The following CACNA1B variants were observed in gnomAD, a reference collection of about 807,000 sequenced individuals.
CACNA1B encodes calcium voltage-gated channel subunit alpha1 B.
CACNA1B carries 70 observed loss-of-function variants against 247.2 expected under a neutral mutation model. The observed-to-expected ratio is 0.28, with a 90% CI of 0.23 to 0.35. The LOEUF (loss-of-function observed/expected upper bound fraction) is 0.35, where lower values mean the gene tolerates loss of function less well. Among genes scored for constraint, CACNA1B ranks in the 10% least tolerant of loss-of-function variants. The pLI is 1.00. For missense variants in CACNA1B, 2,367 were observed against 3,197.4 expected (o/e 0.74, Z 6.26); for synonymous variants, 1,231 against 1,294.4 (o/e 0.95, Z 1.05).
At chr9:137,992,102 G>A (rs1185297438) in intron 15 of CACNA1B, among the ~76,000 whole-genome samples, 1 of 152,170 alleles carries the variant, frequency 6.6e-6, no homozygotes, top group African/African-American at 2.4e-5. Context: ...CAATATTAAT[G>A]TTGAATGTAA....
intron 3 of CACNA1B, among the ~76,000 whole-genome samples, chr9:137,901,229 CTG>C (rs1957236048): frequency 6.6e-6 from 1 of 150,682 alleles, no homozygotes; most frequent in Non-Finnish European, 1.5e-5. Context: ...GTCCCTGTGT[CTG>C]TGTCTGTTCT....
intron 6 of CACNA1B, among the ~76,000 whole-genome samples, chr9:137,937,862 G>A (rs189835595): frequency 9.8e-5 from 14 of 143,524 alleles, no homozygotes; most frequent in Admixed American, 2.2e-4. Flanking sequence ...TAAGAGAATC[G>A]CTTGAATTTG....
At chr9:138,037,774 G>T (rs942398585) in intron 20 of CACNA1B, among the ~76,000 whole-genome samples, 1 of 152,166 alleles carries the variant, frequency 6.6e-6, no homozygotes, top group African/African-American at 2.4e-5. Flanking sequence ...TGTCATGTCT[G>T]ATGTCTCTTT....
At chr9:137,997,518 G>A (rs1958514382) in intron 15 of CACNA1B, among the ~76,000 whole-genome samples, 1 of 152,170 alleles carries the variant, frequency 6.6e-6, no homozygotes, top group African/African-American at 2.4e-5. Flanking sequence ...GACAAATGAT[G>A]TAGTATGAAA....
chr9:137,960,716 A>G (rs927010965), intron 10 of CACNA1B, among the ~76,000 whole-genome samples: 1 of 151,926 alleles, frequency 6.6e-6, no homozygotes, highest in Non-Finnish European at 1.5e-5. Flanking sequence ...GGTCGAGGAA[A>G]CCTGAGAGTC....
rs968467900 is a variant in CACNA1B, at chr9:138,081,745, C to T, written c.5094+3487C>T. Reference sequence around the variant, plus strand: ...GGTCTAGAGATGTTAAATATCTTAGCCTGAGTTTAGAACCTAAGCTTTTGA... The same window carrying T: ...GGTCTAGAGATGTTAAATATCTTAGTCTGAGTTTAGAACCTAAGCTTTTGA... On this transcript the variant is annotated intron_variant, in intron 36 of 46. Transcript: ENST00000371372. 2.6e-5 allele frequency among the ~76,000 whole-genome samples: 4 copies of T among 150,954 alleles called. 1 individual carries two copies. Among genetic ancestry groups the T allele is most frequent in the African/African-American group, 9.8e-5 (4 of 40,766 alleles).
chr9:137,965,186 C>T (rs989606073), intron 10 of CACNA1B, among the ~76,000 whole-genome samples: 1 of 152,218 alleles, frequency 6.6e-6, no homozygotes, highest in Non-Finnish European at 1.5e-5. Flanking sequence ...ATCAAGGACC[C>T]ATTTAAAGAA....
chr9:138,060,479 G>T (rs1188651774), intron 31 of CACNA1B, among the ~76,000 whole-genome samples: 1 of 152,214 alleles, frequency 6.6e-6, no homozygotes, highest in Non-Finnish European at 1.5e-5. Context: ...TGGTGGGTCA[G>T]TGTGGGTCAT....
Position 137,899,922 on chromosome 9 carries a change from G to C in CACNA1B, c.531-13258G>C, listed in dbSNP as rs1314987244. On this transcript the variant is annotated intron_variant, in intron 3 of 46. Coordinates refer to ENST00000371372, the MANE Select transcript of CACNA1B (RefSeq NM_000718.4). The surrounding 1 kb of genome is among the most constrained non-coding windows in gnomAD (Gnocchi z 5.0). ...GCTGGTCCAGGTTGATGGGGCGTGG[G>C]TAGGGCTCTGTGCCACAGGGACGGG... Among the ~76,000 whole-genome samples the C allele has an allele frequency of 1.3e-5, 2 of 152,156 alleles. No individual in the cohort carries two copies. The highest frequency in any genetic ancestry group is 2.9e-5 in the Non-Finnish European group (2 of 68,012).
Position 138,059,011 on chromosome 9 carries a change from T to G in CACNA1B, c.4474-68T>G. 1.1e-6 allele frequency: 1 copy of G among 940,520 alleles called. No individual in the cohort carries two copies. The highest frequency in any genetic ancestry group is 1.7e-6 in the Non-Finnish European group (1 of 583,258). 58.3% of individuals were successfully genotyped at this position (940,520 alleles called of 1,614,324 possible). A position where few individuals can be genotyped will look rare whatever the true frequency, so the allele number is the denominator to read the frequency against. ...TCTGTCTGCCCGCTTTGCTTGGTCA[T>G]AGTGGTCCCAGATGGGGTGTCTTGG... is the stretch of plus-strand genomic sequence containing the variant. On this transcript the variant is annotated intron_variant, in intron 29 of 46. Coordinates refer to ENST00000371372, the MANE Select transcript of CACNA1B (RefSeq NM_000718.4). This position sits in a 1 kb window ranked among gnomAD's most constrained non-coding sequence, Gnocchi z 4.2.
At chr9:138,046,433 C>T (rs750977259) in intron 21 of CACNA1B, among the ~76,000 whole-genome samples, 4 of 150,634 alleles carry the variant, frequency 2.7e-5, no homozygotes, top group East Asian at 1.9e-4. Context: ...GCCTGCTCTC[C>T]GTGAGAATGT....
intron 26 of CACNA1B, among the ~76,000 whole-genome samples, chr9:138,056,921 T>A (rs1433638170): frequency 6.6e-6 from 1 of 150,608 alleles, no homozygotes; most frequent in Non-Finnish European, 1.5e-5. Flanking sequence ...CCTTTACCCA[T>A]TTTTTATTTG....
intron 3 of CACNA1B, among the ~76,000 whole-genome samples, chr9:137,902,280 C>T (rs555280958): frequency 6.6e-6 from 1 of 152,282 alleles, no homozygotes; most frequent in South Asian, 2.1e-4. Flanking sequence ...AGAAGGAAAA[C>T]ACTGCTTCCT....
intron 20 of CACNA1B, among the ~76,000 whole-genome samples, chr9:138,030,684 GA>G (rs1160375078): frequency 6.6e-6 from 1 of 152,060 alleles, no homozygotes; most frequent in Non-Finnish European, 1.5e-5. Context: ...AAATGTTTGG[GA>G]AATTTTGCCA....
chr9:137,968,574 C>T (rs949835592), intron 10 of CACNA1B, among the ~76,000 whole-genome samples: 1 of 152,258 alleles, frequency 6.6e-6, no homozygotes, highest in African/African-American at 2.4e-5. Context: ...GTGGCAAATA[C>T]AGCAGCTGCA....
chr9:138,022,568 CA>C (rs768886963), intron 18 of CACNA1B, among the ~76,000 whole-genome samples: 1 of 152,124 alleles, frequency 6.6e-6, no homozygotes, highest in Non-Finnish European at 1.5e-5. Context: ...GCTGGTGCTG[CA>C]GCAGGGGCCA....
Position 138,078,118 on chromosome 9 carries a change from G to T in CACNA1B, c.4954G>T (p.Ala1652Ser), listed in dbSNP as rs201482735. The T allele has an allele frequency of 6.2e-7, 1 of 1,613,284 alleles. No individual in the cohort carries two copies. Among genetic ancestry groups the T allele is most frequent in the East Asian group, 2.2e-5 (1 of 44,850 alleles). ...LQALMLLFRSATGEAWHEIML... is the reference protein window; with the variant it reads ...LQALMLLFRSSTGEAWHEIML... The stretch of plus-strand genomic sequence containing the variant: ...CAACTCTGCCCTTCTTCTCAGGAGC[G>T]CCACGGGGGAGGCCTGGCACGAGAT... Residue 1652 changes from alanine (A) to serine (S), a missense_variant, in exon 36 of 47, where the codon GCC becomes TCC. By Grantham distance (99) the Ala-to-Ser change is moderately conservative (BLOSUM62 1). Around this residue, in one of 12 missense-constraint regions of CACNA1B, gnomAD observed 436 missense variants for 679.5 expected, o/e 0.64. Transcript: ENST00000371372.
chr9:138,074,689 T>G (rs1397361865), intron 34 of CACNA1B, among the ~76,000 whole-genome samples: 1 of 152,220 alleles, frequency 6.6e-6, no homozygotes, highest in African/African-American at 2.4e-5. Flanking sequence ...CACCGTGGTG[T>G]TCTTGAGGGC....
At chr9:137,997,232 G>A (rs1958511559) in intron 15 of CACNA1B, among the ~76,000 whole-genome samples, 3 of 152,118 alleles carry the variant, frequency 2.0e-5, no homozygotes, top group Non-Finnish European at 4.4e-5. Flanking sequence ...TCAAATGTCC[G>A]TGATAATTTT....
Sources: allele counts gnomAD v4.1 joint callset (sites outside exome capture counted in the v4.1 genomes callset), GRCh38; gene constraint gnomAD v4.1.1; regional missense constraint gnomAD v4.1.1; non-coding constraint Gnocchi (gnomAD v3.1); transcripts MANE v1.5; gene names NCBI Gene and HGNC (gene_info 2026-07-23, HGNC 2026-07-21).